PLD5: variants seen among roughly 807,000 people sequenced by gnomAD.
The protein encoded by PLD5 is inactive phospholipase D5.
Under a neutral mutation model 61.1 loss-of-function variants are expected in PLD5, and 36 were observed. That is an observed-to-expected ratio of 0.59 (90% CI 0.45 to 0.78). The LOEUF (loss-of-function observed/expected upper bound fraction) is 0.78. Ranked by LOEUF, PLD5 falls within the 30% of genes least tolerant of loss-of-function variation. The pLI, the probability that PLD5 is intolerant of heterozygous loss-of-function variation, is 0.00. For synonymous variants in PLD5, 243 were observed against 242.8 expected (o/e 1.00, Z -0.01); for missense variants, 515 against 644.4 (o/e 0.80, Z 2.17).
intron 2 of PLD5, among the ~76,000 whole-genome samples, chr1:242,329,101 C>G (rs1166413288): frequency 1.3e-5 from 2 of 152,142 alleles, no homozygotes; most frequent in East Asian, 3.9e-4. Flanking sequence ...CTCTGCCTCC[C>G]AAGTTCAAGT....
rs1558525523 is a variant in PLD5, at chr1:242,394,196, A to ATATATGAG, written c.190-45955_190-45954insCTCATATA. On this transcript the variant is annotated intron_variant, in intron 1 of 9. Coordinates refer to ENST00000536534, the MANE Select transcript of PLD5 (RefSeq NM_001372062.1). ...TGTGTATATATGAGTATATATGAGT[A>ATATATGAG]TATATATGTGTATATGAGTATATAT... Among the ~76,000 whole-genome samples the ATATATGAG allele has an allele frequency of 8.8e-4, 51 of 58,282 alleles. 10 individuals are homozygous for ATATATGAG. The highest frequency in any genetic ancestry group is 1.8e-3 in the Admixed American group (7 of 3,826). The allele number at this position is 58,282 out of a possible 152,430, so 38.2% of individuals were successfully genotyped here.
At chr1:242,441,710 G>A (rs1037907957) in intron 1 of PLD5, among the ~76,000 whole-genome samples, 2 of 151,970 alleles carry the variant, frequency 1.3e-5, no homozygotes, top group Non-Finnish European at 2.9e-5. Flanking sequence ...TCTTCCCGAG[G>A]AACACAGTGG....
At chr1:242,255,999 G>T (rs1672989438) in intron 4 of PLD5, among the ~76,000 whole-genome samples, 1 of 152,234 alleles carries the variant, frequency 6.6e-6, no homozygotes, top group African/African-American at 2.4e-5. Context: ...ATGACCTAAA[G>T]ATGCCCAGCC....
chr1:242,194,594 CTATCTATCTATG>C (rs1284287816), intron 5 of PLD5, among the ~76,000 whole-genome samples: 46 of 70,664 alleles, frequency 6.5e-4, no homozygotes, highest in South Asian at 2.8e-3. Flanking sequence ...ATCTATCTAT[CTATCTATCTATG>C]TATCTATCTA....
chr1:242,121,969 A>G (rs1370873388), intron 6 of PLD5, among the ~76,000 whole-genome samples: 2 of 151,614 alleles, frequency 1.3e-5, no homozygotes, highest in Non-Finnish European at 2.9e-5. Flanking sequence ...GAGGGATAGC[A>G]TTAGGAGATA....
In PLD5 at chr1:242,220,090, C is replaced by T; in HGVS notation, c.633G>A (p.Met211Ile). Residue 211 changes from methionine to isoleucine, a missense_variant, in exon 5 of 10, where the codon ATG (methionine) becomes ATA (isoleucine). By Grantham distance (10) the Met-to-Ile change is conservative. Coordinates refer to ENST00000536534, the MANE Select transcript of PLD5 (RefSeq NM_001372062.1). The part of the protein sequence containing the change: ...LKGAEVTYMN[M>I]TAYNKGRLQS... ...GCAGCCGGCCCTTGTTGTAAGCGGT[C>T]ATGTTCATGTACGTCACCTCGGCTC... 1 of 1,614,170 alleles carries T rather than the reference C, an allele frequency of 6.2e-7. No individual in the cohort carries two copies. Among genetic ancestry groups the T allele is most frequent in the Non-Finnish European group, 8.5e-7 (1 of 1,180,022 alleles).
At position 242,265,416 on chromosome 1, in the gene PLD5, C is replaced by T. The variant is rs1166493884; in HGVS notation, c.528G>A (p.Leu176=). 6.2e-7 allele frequency: 1 copy of T among 1,611,834 alleles called. No homozygotes were observed. Among genetic ancestry groups the T allele is most frequent in the Admixed American group, 1.7e-5 (1 of 59,782 alleles). The change falls in exon 4 of 10, where the codon CTG becomes CTA. Residue 176 remains leucine, a synonymous_variant. Coordinates refer to ENST00000536534, the MANE Select transcript of PLD5 (RefSeq NM_001372062.1). ...GQRLFEKLLQ[L]TSQNIEIKLV... is the part of the protein sequence containing the mutation. ...GCTTGATTTCAATATTTTGCGAAGT[C>T]AGCTGGAGCAACTTTTCAAAAAGAC...
At chr1:242,194,584 AT>A (rs1558328374) in intron 5 of PLD5, among the ~76,000 whole-genome samples, 2 of 70,758 alleles carry the variant, frequency 2.8e-5, no homozygotes, top group African/African-American at 7.0e-5. Flanking sequence ...CTATCTATCT[AT>A]CTATCTATCT....
upstream of PLD5, among the ~76,000 whole-genome samples, chr1:242,525,173 A>G (rs1669412030): frequency 6.6e-6 from 1 of 152,052 alleles, no homozygotes; most frequent in Non-Finnish European, 1.5e-5. Context: ...TAGCCGAGAG[A>G]CATGTGTTTT....
intron 1 of PLD5, among the ~76,000 whole-genome samples, chr1:242,511,587 T>TG (rs1335925602): frequency 1.2e-5 from 1 of 81,552 alleles, no homozygotes; most frequent in African/African-American, 6.4e-5. Flanking sequence ...AGTCTAATGA[T>TG]GAAAAAAAAA....
chr1:242,315,311 G>A (rs1676939082), intron 2 of PLD5, among the ~76,000 whole-genome samples: 2 of 152,262 alleles, frequency 1.3e-5, no homozygotes, highest in Admixed American at 6.5e-5. Flanking sequence ...AATACATGGA[G>A]TCTAAATCAA....
intron 1 of PLD5, among the ~76,000 whole-genome samples, chr1:242,483,966 A>G (rs1667870361): frequency 1.3e-5 from 2 of 151,998 alleles, no homozygotes; most frequent in Non-Finnish European, 2.9e-5. Flanking sequence ...AATACTGGGT[A>G]CATAACGAAA....
At chr1:242,152,859 T>G (rs1214698743) in intron 5 of PLD5, among the ~76,000 whole-genome samples, 3 of 152,194 alleles carry the variant, frequency 2.0e-5, no homozygotes, top group African/African-American at 7.2e-5. Flanking sequence ...TATAATCCTT[T>G]GGGTATATAT....
chr1:242,428,191 CTT>C lies in PLD5; in HGVS notation c.190-79951_190-79950del, dbSNP rs373335430. On this transcript the variant is annotated intron_variant, in intron 1 of 9. Coordinates refer to ENST00000536534, the MANE Select transcript of PLD5 (RefSeq NM_001372062.1). ...CTCCAAGAAACAACTATTTTAGACT[CTT>C]TGATACAGTGAGCGTTTAAAATAAA... 3.2e-3 allele frequency among the ~76,000 whole-genome samples: 486 copies of C among 152,256 alleles called. 2 individuals carry two copies. Among genetic ancestry groups the C allele is most frequent in the African/African-American group, 0.011 (464 of 41,552 alleles).
At chr1:242,355,620 T>C (rs1421882033) in intron 1 of PLD5, among the ~76,000 whole-genome samples, 1 of 151,722 alleles carries the variant, frequency 6.6e-6, no homozygotes, top group Non-Finnish European at 1.5e-5. Flanking sequence ...TCTGTGATAA[T>C]TCTTATTTAT....
chr1:242,124,762 T>A (rs1662655646), intron 5 of PLD5, 97 bp from the exon 6 acceptor site: 3 of 973,766 alleles, frequency 3.1e-6, no homozygotes, highest in Non-Finnish European at 4.6e-6. Flanking sequence ...AGTTGTGACA[T>A]CTTTTTTCTT....
chr1:242,377,969 A>G (rs1013362755), intron 1 of PLD5, among the ~76,000 whole-genome samples: 2 of 152,224 alleles, frequency 1.3e-5, no homozygotes, highest in African/African-American at 2.4e-5. Context: ...GTTTCTCAGA[A>G]AAATTTAAGA....
intron 1 of PLD5, among the ~76,000 whole-genome samples, chr1:242,508,853 G>T (rs1472109414): frequency 6.6e-6 from 1 of 152,210 alleles, no homozygotes; most frequent in East Asian, 1.9e-4. Context: ...GGCCAAGGCA[G>T]GTGGATCACT....
chr1:242,506,321 C>T (rs921014076), intron 1 of PLD5, among the ~76,000 whole-genome samples: 7 of 152,110 alleles, frequency 4.6e-5, no homozygotes, highest in African/African-American at 1.7e-4. Context: ...GGTGTAAGGA[C>T]AATTGGGCTG....
Sources: gnomAD v4.1 joint callset for allele counts (sites outside exome capture counted in the v4.1 genomes callset) on GRCh38, gnomAD v4.1.1 for gene constraint, MANE v1.5 for transcripts, NCBI Gene and HGNC (gene_info 2026-07-23, HGNC 2026-07-21) for gene names.